MME: variants seen among roughly 807,000 people sequenced by gnomAD.
The protein encoded by MME is membrane metalloendopeptidase, also known as neprilysin.
A neutral mutation model predicts 113.2 loss-of-function variants in MME; 98 were observed. The observed-to-expected ratio is 0.87, with a 90% CI of 0.74 to 1.02. The LOEUF is 1.02. MME is among the 50% of genes least tolerant of loss of function. The pLI is 0.00. For synonymous variants in MME, 292 were observed against 300.6 expected, an observed-to-expected ratio of 0.97 and a Z score of 0.30; for missense variants, 836 against 896.0, an observed-to-expected ratio of 0.93 and a Z score of 0.86.
At chr3:155,111,662 G>A (rs1358281590) in intron 3 of MME, among the ~76,000 whole-genome samples, 2 of 152,040 alleles carry the variant, frequency 1.3e-5, no homozygotes, top group Non-Finnish European at 2.9e-5. Context: ...CAAATAGGCA[G>A]TAGGGCTTGT....
At chr3:155,101,058 G>A (rs964744873) in intron 3 of MME, among the ~76,000 whole-genome samples, 1 of 152,184 alleles carries the variant, frequency 6.6e-6, no homozygotes, top group South Asian at 2.1e-4. Context: ...ATGAGATCTG[G>A]TTGCTTATAA....
intron 1 of MME, chr3:155,083,544 T>C (rs1715364494): frequency 6.5e-6 from 1 of 154,052 alleles, no homozygotes; most frequent in African/African-American, 2.4e-5. Flanking sequence ...CAGAATGTTG[T>C]CTAACCAGTT....
At chr3:155,176,579 A>G (rs1047017421) in intron 22 of MME, among the ~76,000 whole-genome samples, 2 of 152,124 alleles carry the variant, frequency 1.3e-5, no homozygotes, top group Non-Finnish European at 2.9e-5. Context: ...TAATTCCAGC[A>G]CTTTGGGAGG....
intron 1 of MME, among the ~76,000 whole-genome samples, chr3:155,074,579 G>A (rs1402318515): frequency 3.3e-5 from 5 of 151,846 alleles, no homozygotes; most frequent in Non-Finnish European, 4.4e-5. Flanking sequence ...TTACAAGCAC[G>A]TGCCACGACA....
intron 3 of MME, among the ~76,000 whole-genome samples, chr3:155,105,419 G>A (rs1332720493): frequency 1.3e-5 from 2 of 152,106 alleles, no homozygotes; most frequent in African/African-American, 4.8e-5. Context: ...TGTGGAAAAA[G>A]CATCAGCTTA....
chr3:155,135,299 A>T (rs772316432), intron 8 of MME, among the ~76,000 whole-genome samples: 3 of 152,128 alleles, frequency 2.0e-5, no homozygotes, highest in Non-Finnish European at 4.4e-5. Context: ...ATCCATCTTG[A>T]GGTAATTTTT....
intron 1 of MME, among the ~76,000 whole-genome samples, chr3:155,068,016 A>G (rs1156307033): frequency 1.3e-5 from 2 of 152,260 alleles, no homozygotes; most frequent in Non-Finnish European, 2.9e-5. Flanking sequence ...GCCCCAAGCT[A>G]TAAATTAAAC....
In MME at chr3:155,152,388, T is replaced by C. The variant is rs140990571; in HGVS notation, c.1601+3735T>C. Among the ~76,000 whole-genome samples the C allele has an allele frequency of 5.9e-3, 898 of 152,314 alleles. 4 individuals carry two copies. The highest frequency in any genetic ancestry group is 0.021 in the African/African-American group (853 of 41,568). On this transcript the variant is annotated intron_variant, in intron 16 of 22. Coordinates refer to ENST00000360490, the MANE Select transcript of MME (RefSeq NM_007289.4). ...TACATTTTACTACGTTTAGTTGGAC[T>C]AGCCCCTATTGAAAGCAAAAACCAG...
intron 1 of MME, among the ~76,000 whole-genome samples, chr3:155,054,071 G>A (rs901059903): frequency 2.0e-5 from 3 of 152,224 alleles, no homozygotes; most frequent in African/African-American, 7.2e-5. Flanking sequence ...CTCCAGAACT[G>A]TGAGAGAATA....
chr3:155,114,653 C>T (rs1223186227), intron 3 of MME, among the ~76,000 whole-genome samples: 4 of 152,178 alleles, frequency 2.6e-5, no homozygotes, highest in African/African-American at 9.7e-5. Context: ...ATGCTAACCT[C>T]AGGTGCAGGA....
chr3:155,153,447 A>C (rs1722093233), intron 16 of MME, among the ~76,000 whole-genome samples: 1 of 152,206 alleles, frequency 6.6e-6, no homozygotes, highest in African/African-American at 2.4e-5. Context: ...CTGAATCGGG[A>C]ATATAATACC....
intron 1 of MME, among the ~76,000 whole-genome samples, chr3:155,066,740 T>C (rs1157804080): frequency 6.6e-6 from 1 of 152,182 alleles, no homozygotes; most frequent in Non-Finnish European, 1.5e-5. Context: ...GTAAGTACAA[T>C]GAAAAAATTC....
At chr3:155,097,587 T>C (rs1181049104) in intron 3 of MME, among the ~76,000 whole-genome samples, 1 of 152,004 alleles carries the variant, frequency 6.6e-6, no homozygotes, top group Non-Finnish European at 1.5e-5. Context: ...AGGATGTATA[T>C]CCAGAGAAAA....
intron 22 of MME, among the ~76,000 whole-genome samples, chr3:155,180,058 A>C (rs562832585): frequency 6.6e-6 from 1 of 152,328 alleles, no homozygotes; most frequent in South Asian, 2.1e-4. Flanking sequence ...TTAACTCTCC[A>C]TGACAACCTT....
chr3:155,077,712 C>T (rs867660691), upstream of MME, among the ~76,000 whole-genome samples: 2 of 143,022 alleles, frequency 1.4e-5, no homozygotes, highest in Admixed American at 7.0e-5. Flanking sequence ...CTCATCTAAA[C>T]AAAAAAAAAC....
intron 12 of MME, 144 bp from the exon 13 acceptor site, chr3:155,143,299 A>C (rs1721259113): frequency 2.1e-6 from 2 of 949,446 alleles, no homozygotes; most frequent in East Asian, 5.3e-5. Flanking sequence ...ATTACATTTC[A>C]TCATAGGCTA....
At chr3:155,146,529 A>C (rs1721532613) in intron 14 of MME, among the ~76,000 whole-genome samples, 1 of 151,768 alleles carries the variant, frequency 6.6e-6, no homozygotes, top group South Asian at 2.1e-4. Context: ...TTGTCTCAAA[A>C]GAAAAAAAAA....
rs184174286 is a variant in MME, at chr3:155,151,053, C to T, written c.1601+2400C>T. On this transcript the variant is annotated intron_variant, in intron 16 of 22. Transcript: ENST00000360490. ...TCGCGCCACTGCAGTCCAGCCTGGGCGACAGAGCAAGAATCCGTCTAAAAA... is the reference window on the plus strand; with the variant it reads ...TCGCGCCACTGCAGTCCAGCCTGGGTGACAGAGCAAGAATCCGTCTAAAAA... Among the ~76,000 whole-genome samples the T allele has an allele frequency of 3.2e-3, 492 of 151,854 alleles. 3 individuals carry two copies. Among genetic ancestry groups the T allele is most frequent in the African/African-American group, 0.011 (466 of 41,414 alleles).
In MME at chr3:155,124,962, G is replaced by T. The variant is rs373842242; in HGVS notation, c.720+6151G>T. Reference sequence around the variant, plus strand: ...TGGACTCCACCCAGTTCGAGCTTCCGGGCTGCTTTGTTTACCTAAGCAAGC... The same window carrying T: ...TGGACTCCACCCAGTTCGAGCTTCCTGGCTGCTTTGTTTACCTAAGCAAGC... On this transcript the variant is annotated intron_variant, in intron 8 of 22. Transcript: ENST00000360490. 7.4e-4 allele frequency among the ~76,000 whole-genome samples: 112 copies of T among 152,258 alleles called. 1 individual carries two copies. The East Asian group carries it at 0.011, about 15-fold the overall frequency.
Sources: allele counts gnomAD v4.1 joint callset (sites outside exome capture counted in the v4.1 genomes callset), GRCh38; gene constraint gnomAD v4.1.1; transcripts MANE v1.5; gene names NCBI Gene and HGNC (gene_info 2026-07-23, HGNC 2026-07-21).